The following FOXP1 variants were observed in gnomAD, a reference collection of about 807,000 sequenced individuals.
The protein encoded by FOXP1 is forkhead box P1.
A neutral mutation model predicts 98.2 loss-of-function variants in FOXP1; 15 were observed. That is an observed-to-expected ratio of 0.15 (90% CI 0.10 to 0.24). The LOEUF is 0.24. FOXP1 is among the 10% of genes least tolerant of loss of function. The pLI is 1.00. For missense variants in FOXP1, 633 were observed against 848.5 expected, an observed-to-expected ratio of 0.75 and a Z score of 3.15; for synonymous variants, 371 against 314.5, an observed-to-expected ratio of 1.18 and a Z score of -1.90.
At chr3:71,470,041 GATAAA>G (rs1359451692) in intron 3 of FOXP1, among the ~76,000 whole-genome samples, 1 of 150,672 alleles carries the variant, frequency 6.6e-6, no homozygotes, top group Non-Finnish European at 1.5e-5. Context: ...AAATATTGCA[GATAAA>G]ATAAAATAAA....
intron 5 of FOXP1, among the ~76,000 whole-genome samples, chr3:71,278,979 G>A (rs138225541): frequency 1.1e-4 from 17 of 152,068 alleles, no homozygotes; most frequent in African/African-American, 3.4e-4. Context: ...ATCACCTGAG[G>A]TCAGGAGTTC....
At chr3:71,311,255 G>GT (rs2074662283) in intron 4 of FOXP1, among the ~76,000 whole-genome samples, 1 of 152,046 alleles carries the variant, frequency 6.6e-6, no homozygotes, top group Non-Finnish European at 1.5e-5. Context: ...TGCCTCACTA[G>GT]TTTTTTCAAT....
intron 2 of FOXP1, among the ~76,000 whole-genome samples, chr3:71,558,485 T>C (rs1290537870): frequency 6.6e-6 from 1 of 152,032 alleles, no homozygotes; most frequent in Non-Finnish European, 1.5e-5. Flanking sequence ...TGTTTTTGTT[T>C]TTTGTTTTTT....
At chr3:71,195,113 T>G (rs2063222242) in intron 6 of FOXP1, among the ~76,000 whole-genome samples, 1 of 152,202 alleles carries the variant, frequency 6.6e-6, no homozygotes, top group African/African-American at 2.4e-5. Flanking sequence ...AGCCCAAGGT[T>G]ACCAGATATT....
chr3:71,062,507 TA>T (rs2051669378), intron 7 of FOXP1, among the ~76,000 whole-genome samples: 1 of 152,210 alleles, frequency 6.6e-6, no homozygotes, highest in South Asian at 2.1e-4. Flanking sequence ...TCGAGAGTGA[TA>T]CATGTTGCAG....
intron 7 of FOXP1, among the ~76,000 whole-genome samples, chr3:71,084,253 T>TA (rs144291838): frequency 6.6e-6 from 1 of 151,792 alleles, no homozygotes. Context: ...TTTCACCCTC[T>TA]AAAAAAAATA....
intron 3 of FOXP1, among the ~76,000 whole-genome samples, chr3:71,434,815 A>G (rs2085081742): frequency 6.6e-6 from 1 of 152,148 alleles, no homozygotes; most frequent in Non-Finnish European, 1.5e-5. Flanking sequence ...TAGTAAGAAG[A>G]TGAACATTTG....
chr3:71,442,459 T>C (rs2086024689), intron 3 of FOXP1, among the ~76,000 whole-genome samples: 1 of 152,010 alleles, frequency 6.6e-6, no homozygotes, highest in Non-Finnish European at 1.5e-5. Context: ...TGATTTCCTC[T>C]GAATCTTGAG....
In FOXP1 at chr3:71,582,664, C is replaced by A. The variant is rs990735469; in HGVS notation, c.-447+907G>T. The A allele has an allele frequency of 8.1e-6, 8 of 985,374 alleles. No individual in the cohort carries two copies. In the African/African-American group the frequency reaches 1.0e-4, roughly 13 times the overall value. The allele number at this position is 985,374 out of a possible 1,614,324, so 61.0% of individuals were successfully genotyped here. ...TGGTGGGAGAGAGATCCGGGCGCGG[C>A]GACTCCTCGCAGCGCATCCGGCTCC... On this transcript the variant is annotated intron_variant, in intron 1 of 20. Coordinates refer to ENST00000649528, the MANE Select transcript of FOXP1 (RefSeq NM_001349338.3).
At chr3:71,524,642 C>A (rs144368625) in intron 2 of FOXP1, among the ~76,000 whole-genome samples, 64 of 151,746 alleles carry the variant, frequency 4.2e-4, no homozygotes, top group Non-Finnish European at 8.5e-4. Context: ...AGATGAACTT[C>A]TTTCTGTAAA....
intron 5 of FOXP1, among the ~76,000 whole-genome samples, chr3:71,220,455 T>A (rs1358510819): frequency 6.6e-6 from 1 of 152,096 alleles, no homozygotes; most frequent in African/African-American, 2.4e-5. Context: ...ATGAGTCAGA[T>A]GGTGAGGGGA....
chr3:71,260,537 ATTTT>A (rs35677326), intron 5 of FOXP1, among the ~76,000 whole-genome samples: 1 of 143,134 alleles, frequency 7.0e-6, no homozygotes, highest in Admixed American at 7.0e-5. Flanking sequence ...ATTTCCTTTA[ATTTT>A]TTTTTTTTTT....
chr3:71,489,777 C>T (rs1449262678), intron 3 of FOXP1, among the ~76,000 whole-genome samples: 1 of 152,154 alleles, frequency 6.6e-6, no homozygotes, highest in Non-Finnish European at 1.5e-5. Flanking sequence ...GCATGGTTAC[C>T]GCCGGCATCA....
At chr3:71,432,489 G>A (rs911651949) in intron 3 of FOXP1, among the ~76,000 whole-genome samples, 3 of 152,004 alleles carry the variant, frequency 2.0e-5, no homozygotes, top group African/African-American at 7.3e-5. Flanking sequence ...CCCTTTGGAC[G>A]CTTCCTTTTC....
intron 3 of FOXP1, among the ~76,000 whole-genome samples, chr3:71,381,220 GGCTCACTGCAA>G (rs1274656751): frequency 6.9e-6 from 1 of 145,976 alleles, no homozygotes; most frequent in Non-Finnish European, 1.5e-5. Context: ...ATGTGATCTC[GGCTCACTGCAA>G]GCTCCGCCTC....
chr3:71,074,404 T>C (rs1205597251), intron 7 of FOXP1, among the ~76,000 whole-genome samples: 2 of 152,226 alleles, frequency 1.3e-5, no homozygotes, highest in East Asian at 3.9e-4. Context: ...TTTTTGTATT[T>C]TTAGTAGAGA....
chr3:71,086,512 A>C (rs147352239), intron 7 of FOXP1, among the ~76,000 whole-genome samples: 77 of 152,272 alleles, frequency 5.1e-4, no homozygotes, highest in African/African-American at 1.7e-3. Context: ...ATTCTTCGGG[A>C]ATCTAAAATT....
intron 4 of FOXP1, among the ~76,000 whole-genome samples, chr3:71,321,955 G>A (rs188737786): frequency 3.9e-5 from 6 of 152,246 alleles, no homozygotes; most frequent in Admixed American, 2.0e-4. Context: ...AGTTGCCTGC[G>A]TCACTTAACT....
intron 5 of FOXP1, among the ~76,000 whole-genome samples, chr3:71,246,441 G>A (rs1283222514): frequency 6.6e-6 from 1 of 152,138 alleles, no homozygotes; most frequent in East Asian, 1.9e-4. Context: ...ATGTGGCCCT[G>A]GTGAAACTTC....
Sources: allele counts gnomAD v4.1 joint callset (sites outside exome capture counted in the v4.1 genomes callset), GRCh38; gene constraint gnomAD v4.1.1; transcripts MANE v1.5; gene names NCBI Gene and HGNC (gene_info 2026-07-23, HGNC 2026-07-21).